The following RANBP2 variants were observed in gnomAD, a reference collection of about 807,000 sequenced individuals.
RANBP2 encodes E3 SUMO-protein ligase RanBP2.
Under a neutral mutation model 303.6 loss-of-function variants are expected in RANBP2, and 57 were observed. The ratio of observed to expected loss-of-function variants is 0.19; its 90% CI spans 0.15 to 0.23. The LOEUF (loss-of-function observed/expected upper bound fraction) is 0.23. Among genes scored for constraint, RANBP2 ranks in the 10% least tolerant of loss-of-function variants. RANBP2 has a pLI of 1.00. For synonymous variants in RANBP2, 1,167 were observed against 1,301.5 expected (o/e 0.90, Z 2.23); for missense variants, 3,138 against 3,780.8 (o/e 0.83, Z 4.46).
At chr2:109,082,202 A>G in the RANBP2 span, among the ~76,000 whole-genome samples, 1 of 152,238 alleles carries the variant, frequency 6.6e-6, no homozygotes, top group Non-Finnish European at 1.5e-5. Context: ...TCCAGACTTC[A>G]GATCTCTCCT....
chr2:109,172,023 A>G, the RANBP2 span, among the ~76,000 whole-genome samples: 1 of 152,234 alleles, frequency 6.6e-6, no homozygotes, highest in South Asian at 2.1e-4. Context: ...AGGGCCCAGC[A>G]CTGTGGGCTC....
At chr2:108,798,676 T>C in the RANBP2 span, 1 of 976,124 alleles carries the variant, frequency 1.0e-6, no homozygotes, top group Non-Finnish European at 1.5e-6. Flanking sequence ...CATTTGCTTA[T>C]TTCTCCTTCC....
the RANBP2 span, among the ~76,000 whole-genome samples, chr2:109,357,821 T>A: frequency 1.3e-5 from 2 of 152,198 alleles, no homozygotes; most frequent in East Asian, 3.8e-4. Context: ...TACAGAGATT[T>A]CCCATAAACC....
At chr2:109,073,539 C>T in the RANBP2 span, among the ~76,000 whole-genome samples, 381 of 147,882 alleles carry the variant, frequency 2.6e-3, 24 homozygotes, top group South Asian at 0.034. Context: ...TGTGGTGGCA[C>T]GCACCTGTAA....
chr2:109,409,843 C>T, the RANBP2 span, among the ~76,000 whole-genome samples: 9 of 152,054 alleles, frequency 5.9e-5, no homozygotes, highest in African/African-American at 2.2e-4. Context: ...GATTTACACC[C>T]CGTGTAATGG....
the RANBP2 span, among the ~76,000 whole-genome samples, chr2:109,720,893 C>T: frequency 1.3e-5 from 2 of 152,326 alleles, no homozygotes; most frequent in East Asian, 1.9e-4. Flanking sequence ...CAGGGGAAGG[C>T]GGCCCTTCTA....
the RANBP2 span, among the ~76,000 whole-genome samples, chr2:108,886,141 A>G: frequency 4.7e-4 from 71 of 152,294 alleles, no homozygotes; most frequent in African/African-American, 1.7e-3. Flanking sequence ...GAGGGATTGC[A>G]GGATCCAGTG....
chr2:109,481,139 G>A, the RANBP2 span, among the ~76,000 whole-genome samples: 6 of 152,176 alleles, frequency 3.9e-5, no homozygotes, highest in African/African-American at 1.4e-4. Flanking sequence ...ACCCTAAGAC[G>A]TGTCAAGAAA....
the RANBP2 span, among the ~76,000 whole-genome samples, chr2:109,719,820 A>G: frequency 5.3e-5 from 8 of 152,200 alleles, no homozygotes; most frequent in African/African-American, 1.9e-4. Flanking sequence ...GCATCGACCA[A>G]GATGATTCCT....
At chr2:108,967,640 G>C in the RANBP2 span, among the ~76,000 whole-genome samples, 1 of 152,162 alleles carries the variant, frequency 6.6e-6, no homozygotes, top group Non-Finnish European at 1.5e-5. Flanking sequence ...GTCTTTGTAG[G>C]AAAATGTAAG....
chr2:108,912,611 CCTCTT>C, the RANBP2 span: 20 of 1,422,194 alleles, frequency 1.4e-5, no homozygotes, highest in Non-Finnish European at 1.8e-5. Flanking sequence ...CATTTCCTCT[CCTCTT>C]CTGAGCTTTC....
chr2:109,735,247 G>A, the RANBP2 span, among the ~76,000 whole-genome samples: 1 of 152,064 alleles, frequency 6.6e-6, no homozygotes, highest in African/African-American at 2.4e-5. Context: ...ACATATAAGT[G>A]AGAACATGTG....
At chr2:109,549,766 T>C in the RANBP2 span, among the ~76,000 whole-genome samples, 1 of 152,120 alleles carries the variant, frequency 6.6e-6, no homozygotes, top group Non-Finnish European at 1.5e-5. Flanking sequence ...ATAGTAAAGT[T>C]AAGGCACAGT....
chr2:108,872,366 T>G, the RANBP2 span, among the ~76,000 whole-genome samples: 1 of 152,172 alleles, frequency 6.6e-6, no homozygotes, highest in Non-Finnish European at 1.5e-5. Context: ...CCTCGGTAAA[T>G]TATGTTTAGA....
At chr2:109,347,838 C>G in the RANBP2 span, 12 of 1,613,948 alleles carry the variant, frequency 7.4e-6, no homozygotes, top group East Asian at 1.1e-4. Flanking sequence ...TCCCAGCCAG[C>G]TATATCCAGT....
the RANBP2 span, among the ~76,000 whole-genome samples, chr2:109,653,659 A>C: frequency 6.6e-6 from 1 of 152,272 alleles, no homozygotes; most frequent in East Asian, 1.9e-4. Context: ...TGGGTGTGAC[A>C]TAGGTGGTGG....
At chr2:109,624,246 A>G in the RANBP2 span, among the ~76,000 whole-genome samples, 1 of 152,228 alleles carries the variant, frequency 6.6e-6, no homozygotes, top group African/African-American at 2.4e-5. Flanking sequence ...CATCTGGCAG[A>G]GCGCTTTGAA....
the RANBP2 span, among the ~76,000 whole-genome samples, chr2:109,583,917 ATAAG>A: frequency 6.6e-6 from 1 of 152,208 alleles, no homozygotes; most frequent in East Asian, 1.9e-4. Flanking sequence ...GTTCTCACTT[ATAAG>A]TAAGTGGGAT....
chr2:109,350,171 G>T, the RANBP2 span, among the ~76,000 whole-genome samples: 4 of 152,218 alleles, frequency 2.6e-5, no homozygotes, highest in Non-Finnish European at 4.4e-5. Flanking sequence ...CTCATTCTGC[G>T]GTTGGCATGT....
Sources: gnomAD v4.1 joint callset for allele counts (sites outside exome capture counted in the v4.1 genomes callset) on GRCh38, gnomAD v4.1.1 for gene constraint, MANE v1.5 for transcripts, NCBI Gene and HGNC (gene_info 2026-07-23, HGNC 2026-07-21) for gene names.